The following ITFG2 variants were observed in gnomAD, a reference collection of about 807,000 sequenced individuals.
ITFG2 encodes the protein KICSTOR complex protein ITFG2.
A neutral mutation model predicts 54.4 loss-of-function variants in ITFG2; 36 were observed. The observed-to-expected ratio is 0.66, with a 90% confidence interval of 0.51 to 0.87. The LOEUF is 0.87. Ranked by LOEUF, ITFG2 falls within the 40% of genes least tolerant of loss-of-function variation. The pLI is 0.00. For missense variants in ITFG2, 524 were observed against 576.7 expected (o/e 0.91, Z 0.94); for synonymous variants, 211 against 225.4 (o/e 0.94, Z 0.57).
chr12:2,836,125 T>C (rs1312413151), upstream of ITFG2, among the ~76,000 whole-genome samples: 3 of 152,212 alleles, frequency 2.0e-5, no homozygotes, highest in African/African-American at 7.2e-5. Flanking sequence ...TTCTCTAGAG[T>C]ATACACCTAC....
At chr12:2,847,461 A>G (rs2098056249) in intron 2 of ITFG2, among the ~76,000 whole-genome samples, 1 of 151,944 alleles carries the variant, frequency 6.6e-6, no homozygotes, top group Admixed American at 6.6e-5. Flanking sequence ...AGGTCAGGAG[A>G]TCGAGCCCAT....
downstream of ITFG2, chr12:2,826,817 TGGG>T: frequency 3.4e-5 from 9 of 265,290 alleles, no homozygotes; most frequent in South Asian, 8.8e-5. Flanking sequence ...CATGGTGGTG[TGGG>T]AAGTTGAGTT....
chr12:2,813,255 G>A (rs1045348345), intron 1 of ITFG2, among the ~76,000 whole-genome samples: 11 of 152,320 alleles, frequency 7.2e-5, no homozygotes, highest in Non-Finnish European at 1.6e-4. Context: ...CCAAAGTGCT[G>A]GGACTACAGG....
At chr12:2,834,772 G>T (rs752566435), upstream of ITFG2, 1 of 1,613,768 alleles carries the variant, frequency 6.2e-7, no homozygotes, top group Non-Finnish European at 8.5e-7. Context: ...TCGAAGCTGT[G>T]CCTCCTGCCC....
chr12:2,835,271 G>A (rs3814248), upstream of ITFG2: 10 of 940,736 alleles, frequency 1.1e-5, no homozygotes, highest in Admixed American at 1.9e-4. Context: ...GCGAGGAAGC[G>A]CTTGTCACTG....
At position 2,849,372 on chromosome 12, in the gene ITFG2, G is replaced by A. The variant is rs114304630; in HGVS notation, n.300+8377G>A. 1,739 of 1,536,136 alleles carry A rather than the reference G, an allele frequency of 1.1e-3. 13 individuals carry two copies. In the African/African-American group the frequency reaches 0.017, roughly 15 times the overall value. ...TTATGAGGTCCTGGCTCAGGGGCGC[G>A]CTGGGCAGCAAGGCCAGCTTTAGCA... On this transcript the variant is annotated intron_variant and non_coding_transcript_variant, in intron 2 of 3. Transcript: ENST00000537710.
At chr12:2,847,663 CAAAA>C (rs76285511) in intron 2 of ITFG2, among the ~76,000 whole-genome samples, 2 of 83,088 alleles carry the variant, frequency 2.4e-5, no homozygotes, top group African/African-American at 3.8e-5. Context: ...TAAGACTGTC[CAAAA>C]AAAAAAAAAA....
At chr12:2,840,121 G>A (rs1313166423) in intron 1 of ITFG2, among the ~76,000 whole-genome samples, 1 of 151,732 alleles carries the variant, frequency 6.6e-6, no homozygotes, top group Non-Finnish European at 1.5e-5. Context: ...AAAAAAAAAG[G>A]GCAAGATCTA....
chr12:2,834,017 C>CT (rs1321251205), upstream of ITFG2, among the ~76,000 whole-genome samples: 2 of 152,218 alleles, frequency 1.3e-5, no homozygotes, highest in East Asian at 3.9e-4. Flanking sequence ...CACATCCTCA[C>CT]TGTTACTCCC....
At chr12:2,817,999 C>A in intron 3 of ITFG2, 49 bp downstream of exon 3, 1 of 1,610,374 alleles carries the variant, frequency 6.2e-7, no homozygotes, top group South Asian at 1.1e-5. Context: ...CAGTGGAAAT[C>A]AGTTGAAGGT....
intron 2 of ITFG2, among the ~76,000 whole-genome samples, chr12:2,852,788 G>A (rs538590460): frequency 3.7e-4 from 56 of 152,082 alleles, no homozygotes; most frequent in Non-Finnish European, 5.0e-4. Flanking sequence ...GCCTGAGGTC[G>A]GGAGTTCAAG....
Position 2,821,269 on chromosome 12 carries a change from C to T in ITFG2, c.703C>T (p.Pro235Ser), listed in dbSNP as rs199660177. The T allele has an allele frequency of 4.7e-5, 75 of 1,606,330 alleles. No individual in the cohort carries two copies. In the East Asian group the frequency reaches 1.2e-3, roughly 26 times the overall value. The stretch of plus-strand genomic sequence containing the variant: ...TCCACCTGCTGTGCACAGGGAGACC[C>T]CAGCTGCCCGAGACGTGGTGCTGCA... ...EGPTDGSRET[P>S]AARDVVLHQT... Residue 235 changes from proline (P) to serine (S), a missense_variant, in exon 7 of 12, where the codon CCA becomes TCA. Transcript: ENST00000228799.
rs933135842 is a variant in ITFG2 at position 2,859,668 on chromosome 12, A to G, written n.755A>G. 1.9e-6 allele frequency: 3 copies of G among 1,599,040 alleles called. No homozygotes were observed. The African/African-American group carries it at 4.0e-5, about 21-fold the overall frequency. ...CCCCTCCTCAGCTAGCAGCACCTGA[A>G]AGGGAAACAGAGATAAGGTGAACCA... On this transcript the variant is annotated non_coding_transcript_exon_variant, in exon 4 of 4. Transcript: ENST00000537710.
chr12:2,827,929 C>T, downstream of ITFG2: 1 of 1,614,094 alleles, frequency 6.2e-7, no homozygotes, highest in Non-Finnish European at 8.5e-7. This position sits in a 1 kb window ranked among gnomAD's most constrained non-coding sequence, Gnocchi z 4.0. Flanking sequence ...GACTTACCCA[C>T]CACCTGTGCC....
chr12:2,849,675 C>G (rs1017712586), intron 2 of ITFG2: 2 of 871,130 alleles, frequency 2.3e-6, no homozygotes, highest in South Asian at 3.4e-5. Flanking sequence ...TCCACCTAAT[C>G]GGATATTGAC....
chr12:2,858,797 G>A (rs756784859), intron 3 of ITFG2: 2 of 1,614,214 alleles, frequency 1.2e-6, no homozygotes, highest in South Asian at 1.1e-5. Context: ...TGGCTGCAAG[G>A]CCAGAAACCT....
intron 2 of ITFG2, 164 bp from the exon 3 acceptor site, chr12:2,817,745 A>G (rs979810849): frequency 4.7e-6 from 3 of 636,434 alleles, no homozygotes; most frequent in Non-Finnish European, 7.9e-6. Flanking sequence ...CCAAACCTAC[A>G]GCACAGTAAC....
intron 2 of ITFG2, among the ~76,000 whole-genome samples, chr12:2,844,476 C>G (rs1421882608): frequency 6.6e-6 from 1 of 152,062 alleles, no homozygotes; most frequent in Non-Finnish European, 1.5e-5. Flanking sequence ...ATCACCTGAA[C>G]CAAGGAGGCA....
intron 2 of ITFG2, chr12:2,857,055 G>A (rs775951845): frequency 5.3e-5 from 37 of 702,694 alleles, no homozygotes; most frequent in East Asian, 1.1e-4. Context: ...CAGGAGGGGC[G>A]GCTTTGTGGG....
Sources: allele counts gnomAD v4.1 joint callset (sites outside exome capture counted in the v4.1 genomes callset), GRCh38; gene constraint gnomAD v4.1.1; non-coding constraint Gnocchi (gnomAD v3.1); transcripts MANE v1.5; gene names NCBI Gene and HGNC (gene_info 2026-07-23, HGNC 2026-07-21).